ZNF202: variants seen among roughly 807,000 people sequenced by gnomAD.
ZNF202 encodes zinc finger protein with KRAB and SCAN domains 10.
Under a neutral mutation model 54.5 loss-of-function variants are expected in ZNF202, and 22 were observed. The ratio of observed to expected loss-of-function variants is 0.40; its 90% confidence interval spans 0.29 to 0.58. The LOEUF is 0.58. ZNF202 is among the 20% of genes least tolerant of loss of function. The pLI, the probability that ZNF202 is intolerant of heterozygous loss-of-function variation, is 0.39. For missense variants in ZNF202, 644 were observed against 805.5 expected (o/e 0.80, Z 2.43); for synonymous variants, 294 against 301.4 (o/e 0.98, Z 0.26).
chr11:123,728,354 C>G (rs1861249048), intron 6 of ZNF202, 92 bp from the exon 7 acceptor site: 5 of 1,412,420 alleles, frequency 3.5e-6, no homozygotes, highest in Non-Finnish European at 4.6e-6. Context: ...GTGGACTCCT[C>G]TAGGAGATGA....
rs1033272205 is a variant in ZNF202 at position 123,725,095 on chromosome 11, CAT to C, written c.*900_*901del. Reference sequence around the variant, plus strand: ...GTGTGAAGGGGTTGGTGGGCTTGTGCATATGAGGGAATGTGAACGATTTCATT... The same window carrying C: ...GTGTGAAGGGGTTGGTGGGCTTGTGCATGAGGGAATGTGAACGATTTCATT... On this transcript the variant is annotated 3_prime_UTR_variant, in exon 9 of 9. Coordinates refer to ENST00000530393, the MANE Select transcript of ZNF202 (RefSeq NM_003455.4). 3.3e-5 allele frequency: 5 copies of C among 152,146 alleles called. No individual in the cohort carries two copies. The highest frequency in any genetic ancestry group is 7.3e-5 in the Non-Finnish European group (5 of 68,030). 9.4% of individuals were successfully genotyped at this position (152,146 alleles called of 1,614,324 possible). A position where few individuals can be genotyped will look rare whatever the true frequency, so the allele number is the denominator to read the frequency against.
At position 123,730,372 on chromosome 11, in the gene ZNF202, C is replaced by G. The variant is rs2137332497; in HGVS notation, c.402+115G>C. 1 of 1,359,598 alleles carries G rather than the reference C, an allele frequency of 7.4e-7. No homozygotes were observed. Among genetic ancestry groups the G allele is most frequent in the Non-Finnish European group, 9.8e-7 (1 of 1,018,948 alleles). 84.2% of individuals were successfully genotyped at this position (1,359,598 alleles called of 1,614,324 possible). A position where few individuals can be genotyped will look rare whatever the true frequency, so the allele number is the denominator to read the frequency against. ...TGGGGCTCATGGTATATGAGCAACC[C>G]AAGGGCAGAGCCCACTAATAATTTA... On this transcript the variant is annotated intron_variant, in intron 4 of 8. Coordinates refer to ENST00000530393, the MANE Select transcript of ZNF202 (RefSeq NM_003455.4). This position sits in a 1 kb window ranked among gnomAD's most constrained non-coding sequence, Gnocchi z 6.0.
rs147206204 is a variant in ZNF202, at chr11:123,729,790, T to C, written c.438A>G (p.Ser146=). The C allele has an allele frequency of 8.7e-6, 14 of 1,612,688 alleles. No individual in the cohort carries two copies. In the East Asian group the frequency reaches 8.9e-5, roughly 10 times the overall value. Residue 146 remains serine, a synonymous_variant, in exon 5 of 9, where the codon TCA becomes TCG. Coordinates refer to ENST00000530393, the MANE Select transcript of ZNF202 (RefSeq NM_003455.4). ...CCACTCCTAAATGCACCGTCTCCTC[T>C]GACAGGACTTCCTGGCCGTGAACAT... ...TVHVHGQEVL[S]EETVHLGVEP...
intron 3 of ZNF202, among the ~76,000 whole-genome samples, chr11:123,739,906 C>A (rs1484009996): frequency 6.6e-6 from 1 of 152,134 alleles, no homozygotes; most frequent in Non-Finnish European, 1.5e-5. Context: ...CAGCAATATG[C>A]GTTTAACTAG....
At position 123,726,339 on chromosome 11, in the gene ZNF202, T is replaced by C. The variant is rs771396626; in HGVS notation, c.1605A>G (p.Lys535=). Residue 535 remains lysine (K), a synonymous_variant, in exon 9 of 9, where the codon AAA becomes AAG. Transcript: ENST00000530393. The surrounding 1 kb of genome is among the most constrained non-coding windows in gnomAD (Gnocchi z 6.0). ...CACCACACTCTCCACACAAGTAGGGTTTGCCTCCCAGGTGGATTCTTTGGT... is the reference window on the plus strand; with the variant it reads ...CACCACACTCTCCACACAAGTAGGGCTTGCCTCCCAGGTGGATTCTTTGGT... ...TTHQRIHLGG[K]PYLCGECGED... 46 of 1,614,194 alleles carry C rather than the reference T, an allele frequency of 2.8e-5. No homozygotes were observed. Among genetic ancestry groups the C allele is most frequent in the Non-Finnish European group, 3.7e-5 (44 of 1,180,038 alleles).
chr11:123,726,840 T>C lies in ZNF202; in HGVS notation c.1104A>G (p.Arg368=). The change falls in exon 9 of 9, where the codon AGA becomes AGG. Residue 368 remains arginine, a synonymous_variant. Coordinates refer to ENST00000530393, the MANE Select transcript of ZNF202 (RefSeq NM_003455.4). The surrounding 1 kb of genome is among the most constrained non-coding windows in gnomAD (Gnocchi z 6.0). ...FEDNPGRLNE[R]RFGTNISQVN... is the part of the protein sequence containing the mutation. ...CTTGAGAAATATTAGTACCAAATCT[T>C]CTTTCATTAAGTCTACCTGGATTGT... is the stretch of plus-strand genomic sequence containing the variant. 6.2e-7 allele frequency: 1 copy of C among 1,614,198 alleles called. No individual in the cohort carries two copies. The highest frequency in any genetic ancestry group is 8.5e-7 in the Non-Finnish European group (1 of 1,180,030).
chr11:123,739,856 C>T (rs1764445635), intron 3 of ZNF202, among the ~76,000 whole-genome samples: 1 of 152,144 alleles, frequency 6.6e-6, no homozygotes, highest in Non-Finnish European at 1.5e-5. Context: ...TTCTCAAGCC[C>T]CAGCACAGAC....
In ZNF202 at chr11:123,729,219, G is replaced by A. The variant is rs1861293026; in HGVS notation, c.614-5C>T. 6.2e-7 allele frequency: 1 copy of A among 1,612,010 alleles called. No individual in the cohort carries two copies. Among genetic ancestry groups the A allele is most frequent in the Non-Finnish European group, 8.5e-7 (1 of 1,179,754 alleles). ...GGTCCTCGGGCACTGGGACCTCTAT[G>A]AAGAAAAGAAGGCAAAGATCAGTAA... On this transcript the variant is annotated splice_polypyrimidine_tract_variant and splice_region_variant and intron_variant, in intron 5 of 8. Transcript: ENST00000530393.
intron 3 of ZNF202, among the ~76,000 whole-genome samples, chr11:123,731,922 T>C (rs1023907238): frequency 6.6e-6 from 1 of 152,166 alleles, no homozygotes; most frequent in African/African-American, 2.4e-5. Flanking sequence ...CAGCCCCCAA[T>C]CTATTTTTCA....
intron 3 of ZNF202, among the ~76,000 whole-genome samples, chr11:123,731,291 C>G (rs1861396495): frequency 6.6e-6 from 1 of 152,204 alleles, no homozygotes; most frequent in African/African-American, 2.4e-5. Context: ...CTCTTCCTTC[C>G]TACAGACTGC....
intron 3 of ZNF202, among the ~76,000 whole-genome samples, chr11:123,737,741 G>C (rs1377273448): frequency 6.6e-6 from 1 of 152,214 alleles, no homozygotes; most frequent in Non-Finnish European, 1.5e-5. Context: ...TTAGACAGTA[G>C]ATAGTTGCCT....
chr11:123,732,742 C>A (rs534837826), intron 3 of ZNF202, among the ~76,000 whole-genome samples: 2 of 152,232 alleles, frequency 1.3e-5, no homozygotes, highest in South Asian at 2.1e-4. Flanking sequence ...ATAAAGTGCA[C>A]AATAAATGCA....
At chr11:123,735,043 G>A (rs183057841) in intron 3 of ZNF202, among the ~76,000 whole-genome samples, 1 of 151,914 alleles carries the variant, frequency 6.6e-6, no homozygotes, top group East Asian at 1.9e-4. Flanking sequence ...TTCCATTGAG[G>A]ATTTAAATCA....
At chr11:123,734,406 G>A (rs2137355398) in intron 3 of ZNF202, among the ~76,000 whole-genome samples, 1 of 152,308 alleles carries the variant, frequency 6.6e-6, no homozygotes, top group Middle Eastern at 3.4e-3. Flanking sequence ...CCCATTGAAA[G>A]CCACTGCAAG....
chr11:123,732,632 C>T (rs1314073783), intron 3 of ZNF202, among the ~76,000 whole-genome samples: 1 of 152,180 alleles, frequency 6.6e-6, no homozygotes, highest in African/African-American at 2.4e-5. Context: ...CTGGGCACCT[C>T]TCTATCCCAG....
intron 3 of ZNF202, among the ~76,000 whole-genome samples, chr11:123,736,723 C>T (rs557496208): frequency 6.5e-4 from 99 of 152,220 alleles, no homozygotes; most frequent in African/African-American, 1.2e-3. Flanking sequence ...TCCCTGACCT[C>T]GCTTATTAGC....
At position 123,726,390 on chromosome 11, in the gene ZNF202, G is replaced by A; in HGVS notation, c.1554C>T (p.Phe518=). Residue 518 remains phenylalanine, a synonymous_variant, in exon 9 of 9, where the codon TTC becomes TTT. Coordinates refer to ENST00000530393, the MANE Select transcript of ZNF202 (RefSeq NM_003455.4). The surrounding 1 kb of genome is among the most constrained non-coding windows in gnomAD (Gnocchi z 6.0). ...GTGTTGTTAACACAGATTTCTGGCT[G>A]AAGCTTTTGCCACAAATAGTACAAA... ...PFFCTICGKS[F]SQKSVLTTHQ... The A allele has an allele frequency of 6.2e-7, 1 of 1,614,218 alleles. No homozygotes were observed. The highest frequency in any genetic ancestry group is 8.5e-7 in the Non-Finnish European group (1 of 1,180,042).
Position 123,725,374 on chromosome 11 carries a change from G to A in ZNF202, c.*623C>T, listed in dbSNP as rs747158655. The stretch of plus-strand genomic sequence containing the variant: ...CTGGGGGAGGGAGCAGCTTGACAAG[G>A]TCCACATGAAGCAGCCTTGAGATTT... On this transcript the variant is annotated 3_prime_UTR_variant, in exon 9 of 9. Transcript: ENST00000530393. 1 of 152,246 alleles carries A rather than the reference G, an allele frequency of 6.6e-6. No individual in the cohort carries two copies. The highest frequency in any genetic ancestry group is 2.1e-4 in the South Asian group (1 of 4,830). The allele number at this position is 152,246 out of a possible 1,614,324, so 9.4% of individuals were successfully genotyped here.
chr11:123,730,806 G>A lies in ZNF202; in HGVS notation c.83C>T (p.Thr28Ile), dbSNP rs745462281. ...CTGTAAGACAGACTCTGGCCGACAG[G>A]TGAAATCATCTTCCAGTTTCACCAT... ...ILMVKLEDDF[T>I]CRPESVLQRD... The change falls in exon 4 of 9, where the codon ACC (threonine) becomes ATC (isoleucine). Residue 28 changes from threonine (T) to isoleucine (I), a missense_variant. Physicochemically the swap from Thr to Ile is moderately conservative, Grantham distance 89. Transcript: ENST00000530393. The surrounding 1 kb of genome is among the most constrained non-coding windows in gnomAD (Gnocchi z 6.0). 6 of 1,614,206 alleles carry A rather than the reference G, an allele frequency of 3.7e-6. No homozygotes were observed. Among genetic ancestry groups the A allele is most frequent in the Admixed American group, 3.3e-5 (2 of 60,034 alleles).
Sources: allele counts gnomAD v4.1 joint callset (sites outside exome capture counted in the v4.1 genomes callset), GRCh38; gene constraint gnomAD v4.1.1; non-coding constraint Gnocchi (gnomAD v3.1); transcripts MANE v1.5; gene names NCBI Gene and HGNC (gene_info 2026-07-23, HGNC 2026-07-21).